The following PCBP3 variants were observed in gnomAD, a reference collection of about 807,000 sequenced individuals.
The protein encoded by PCBP3 is poly(rC)-binding protein 3.
In PCBP3, 25 loss-of-function variants were observed where a neutral mutation model predicts 52.7. The ratio of observed to expected loss-of-function variants is 0.47; its 90% confidence interval spans 0.35 to 0.66. The LOEUF is 0.66. PCBP3 is among the 30% of genes least tolerant of loss of function. The probability of loss-of-function intolerance (pLI) is 0.01; values close to 1 mark genes in which losing one functional copy is unlikely to be tolerated. For missense variants in PCBP3, 391 were observed against 490.3 expected (o/e 0.80, Z 1.91); for synonymous variants, 162 against 183.0 (o/e 0.89, Z 0.93).
chr21:45,676,378 TA>T (rs2081464637), intron 2 of PCBP3, among the ~76,000 whole-genome samples: 2 of 148,456 alleles, frequency 1.3e-5, no homozygotes, highest in South Asian at 4.3e-4. Flanking sequence ...TTTTTTTTTT[TA>T]AACAAATTTA....
intron 1 of PCBP3, among the ~76,000 whole-genome samples, chr21:45,649,820 T>G (rs1443194681): frequency 6.6e-6 from 1 of 152,094 alleles, no homozygotes; most frequent in East Asian, 1.9e-4. Context: ...ATTCCTTTAT[T>G]AGGTTAAGGA....
intron 2 of PCBP3, among the ~76,000 whole-genome samples, chr21:45,730,946 T>G (rs891326350): frequency 1.3e-5 from 2 of 152,196 alleles, no homozygotes; most frequent in Non-Finnish European, 2.9e-5. Flanking sequence ...TACAAATAGC[T>G]TATAGCGTGG....
chr21:45,877,268 T>C (rs536144756), intron 5 of PCBP3, among the ~76,000 whole-genome samples: 9 of 152,350 alleles, frequency 5.9e-5, no homozygotes, highest in African/African-American at 1.9e-4. Flanking sequence ...TGTCACCTCG[T>C]GTAAAACGGA....
intron 5 of PCBP3, among the ~76,000 whole-genome samples, chr21:45,859,290 AGCCG>A (rs2094427086): frequency 9.8e-5 from 1 of 10,240 alleles, no homozygotes; most frequent in Admixed American, 1.1e-3. Flanking sequence ...CCAGCGGGTC[AGCCG>A]GGCCGGGAGG....
At chr21:45,854,488 G>A (rs193023335) in intron 5 of PCBP3, among the ~76,000 whole-genome samples, 8 of 152,234 alleles carry the variant, frequency 5.3e-5, no homozygotes, top group Admixed American at 3.3e-4. Flanking sequence ...TCTAGGGACC[G>A]CTACACGTGG....
At chr21:45,722,003 C>T (rs757405796) in intron 2 of PCBP3, among the ~76,000 whole-genome samples, 6 of 152,112 alleles carry the variant, frequency 3.9e-5, no homozygotes, top group Non-Finnish European at 5.9e-5. Flanking sequence ...TCTGTTCTTA[C>T]GGCTTTATCT....
chr21:45,670,837 T>C lies in PCBP3; in HGVS notation c.-200+1885T>C, dbSNP rs534401556. ...ACTTCTTGCTCATGTAACAGTTCACTGTGGATGTACCTCATCAGTGATCAG... is the reference window on the plus strand; with the variant it reads ...ACTTCTTGCTCATGTAACAGTTCACCGTGGATGTACCTCATCAGTGATCAG... On this transcript the variant is annotated intron_variant, in intron 2 of 17. Coordinates refer to ENST00000681687, the MANE Select transcript of PCBP3 (RefSeq NM_001384156.1). 9.8e-5 allele frequency among the ~76,000 whole-genome samples: 15 copies of C among 152,370 alleles called. 1 individual carries two copies. The highest frequency in any genetic ancestry group is 3.9e-4 in the Admixed American group (6 of 15,314).
In PCBP3 at chr21:45,880,964, T is replaced by A. The variant is rs1212464847; in HGVS notation, c.11-15244T>A. On this transcript the variant is annotated intron_variant, in intron 5 of 17. Coordinates refer to ENST00000681687, the MANE Select transcript of PCBP3 (RefSeq NM_001384156.1). This position sits in a 1 kb window ranked among gnomAD's most constrained non-coding sequence, Gnocchi z 5.4. The stretch of plus-strand genomic sequence containing the variant: ...ACGGGGTGAGTCCAAGCTTAGAAGC[T>A]CACTGGCAGCGTCAGGCAGCTCATG... Among the ~76,000 whole-genome samples, 2 of 152,150 alleles carry A rather than the reference T, an allele frequency of 1.3e-5. No homozygotes were observed. Among genetic ancestry groups the A allele is most frequent in the Non-Finnish European group, 2.9e-5 (2 of 68,020 alleles).
At chr21:45,889,541 T>TCATGGC (rs1457189239) in intron 5 of PCBP3, among the ~76,000 whole-genome samples, 1 of 152,190 alleles carries the variant, frequency 6.6e-6, no homozygotes, top group African/African-American at 2.4e-5. Context: ...CCTCCCCTCC[T>TCATGGC]CATGGCCAGG....
chr21:45,928,861 A>G lies in PCBP3; in HGVS notation c.718-1056A>G, dbSNP rs1314283112. Among the ~76,000 whole-genome samples, 3 of 151,994 alleles carry G rather than the reference A, an allele frequency of 2.0e-5. No homozygotes were observed. Among genetic ancestry groups the G allele is most frequent in the Non-Finnish European group, 2.9e-5 (2 of 67,960 alleles). On this transcript the variant is annotated intron_variant, in intron 13 of 17. Transcript: ENST00000681687. This position sits in a 1 kb window ranked among gnomAD's most constrained non-coding sequence, Gnocchi z 4.1. ...GCTGGGGAGGTGGTGCCCTCCCCAAATGTGCCACCTCCCCTGCCTGCTGGG... is the reference window on the plus strand; with the variant it reads ...GCTGGGGAGGTGGTGCCCTCCCCAAGTGTGCCACCTCCCCTGCCTGCTGGG...
At chr21:45,784,426 CT>C (rs556080859) in intron 4 of PCBP3, among the ~76,000 whole-genome samples, 1,414 of 82,150 alleles carry the variant, frequency 0.017, 68 homozygotes, top group African/African-American at 0.051. Context: ...CTACCCCTAC[CT>C]CCTACCTCCT....
chr21:45,915,630 T>C (rs888407526), intron 12 of PCBP3: 1 of 152,196 alleles, frequency 6.6e-6, no homozygotes, highest in African/African-American at 2.4e-5. Context: ...TAGCACGCCC[T>C]CCCTACTGCA....
rs1569491347 is a variant in PCBP3, at chr21:45,913,983, C to T, written c.633C>T (p.Arg211=). 6.2e-7 allele frequency: 1 copy of T among 1,613,564 alleles called. No homozygotes were observed. The highest frequency in any genetic ancestry group is 8.5e-7 in the Non-Finnish European group (1 of 1,179,906). Residue 211 remains arginine, a synonymous_variant, in exon 12 of 18, where the codon CGC becomes CGT. Coordinates refer to ENST00000681687, the MANE Select transcript of PCBP3 (RefSeq NM_001384156.1). ...SPPKGATIPY[R]PKPASTPVIF... ...CGAAAGGTGCCACCATTCCCTACCG[C>T]CCAAAGCCCGCCTCCACCCCTGTCA...
At chr21:45,706,429 G>C (rs1916255636) in intron 2 of PCBP3, among the ~76,000 whole-genome samples, 2 of 152,066 alleles carry the variant, frequency 1.3e-5, no homozygotes, top group South Asian at 4.2e-4. Context: ...GCTAGTGCAG[G>C]CTTCTCCTTT....
intron 4 of PCBP3, among the ~76,000 whole-genome samples, chr21:45,772,204 C>T (rs1446705672): frequency 2.0e-5 from 3 of 152,200 alleles, no homozygotes; most frequent in African/African-American, 7.2e-5. Context: ...CCTCTTCATC[C>T]TCTCCCCTAA....
In PCBP3 at chr21:45,835,408, G is replaced by A. The variant is rs145896297; in HGVS notation, c.-125-14553G>A. Reference sequence around the variant, plus strand: ...GGGGTCACAGCAAAGCCAAGTGGCCGTAGCACCTTTAACACTGGCCCCGGG... The same window carrying A: ...GGGGTCACAGCAAAGCCAAGTGGCCATAGCACCTTTAACACTGGCCCCGGG... On this transcript the variant is annotated intron_variant, in intron 4 of 17. Coordinates refer to ENST00000681687, the MANE Select transcript of PCBP3 (RefSeq NM_001384156.1). Among the ~76,000 whole-genome samples, 787 of 152,226 alleles carry A rather than the reference G, an allele frequency of 5.2e-3. 26 individuals carry two copies. Among genetic ancestry groups the A allele is most frequent in the Admixed American group, 0.042 (642 of 15,290 alleles).
rs558037047 is a variant in PCBP3, at chr21:45,734,136, G to A, written c.-199-1256G>A. ...GGCAGCTTGTTGCTGACTTTGTTAAGCATTGCCTAGTGTAGTACCCCAGCT... is the reference window on the plus strand; with the variant it reads ...GGCAGCTTGTTGCTGACTTTGTTAAACATTGCCTAGTGTAGTACCCCAGCT... On this transcript the variant is annotated intron_variant, in intron 2 of 17. Transcript: ENST00000681687. 9.2e-5 allele frequency among the ~76,000 whole-genome samples: 14 copies of A among 152,306 alleles called. No individual in the cohort carries two copies. The East Asian group carries it at 2.7e-3, about 29-fold the overall frequency.
intron 4 of PCBP3, among the ~76,000 whole-genome samples, chr21:45,804,918 C>A (rs1351356838): frequency 6.6e-6 from 1 of 151,988 alleles, no homozygotes; most frequent in African/African-American, 2.4e-5. Flanking sequence ...CAGAGCTGGG[C>A]ATGGTTGAAA....
chr21:45,691,766 C>G, intron 2 of PCBP3, among the ~76,000 whole-genome samples: 1 of 152,086 alleles, frequency 6.6e-6, no homozygotes, highest in East Asian at 1.9e-4. Flanking sequence ...GTGGTTGAAG[C>G]TGAGGGATTC....
Sources: allele counts gnomAD v4.1 joint callset (sites outside exome capture counted in the v4.1 genomes callset), GRCh38; gene constraint gnomAD v4.1.1; non-coding constraint Gnocchi (gnomAD v3.1); transcripts MANE v1.5; gene names NCBI Gene and HGNC (gene_info 2026-07-23, HGNC 2026-07-21).